The following RAVER2 variants were observed in gnomAD, a reference collection of about 807,000 sequenced individuals.
RAVER2 encodes the protein ribonucleoprotein, PTB binding 2.
RAVER2 carries 46 observed loss-of-function variants against 78.1 expected under a neutral mutation model. The ratio of observed to expected loss-of-function variants is 0.59; its 90% CI spans 0.46 to 0.75. The LOEUF is 0.75. Among genes scored for constraint, RAVER2 ranks in the 30% least tolerant of loss-of-function variants. The probability of loss-of-function intolerance (pLI) is 0.00; values close to 1 mark genes in which losing one functional copy is unlikely to be tolerated. For synonymous variants in RAVER2, 311 were observed against 313.3 expected, an observed-to-expected ratio of 0.99 and a Z score of 0.08; for missense variants, 793 against 837.5, an observed-to-expected ratio of 0.95 and a Z score of 0.66.
intron 1 of RAVER2, among the ~76,000 whole-genome samples, chr1:64,756,504 G>T (rs1217312319): frequency 1.3e-5 from 2 of 152,072 alleles, no homozygotes; most frequent in Non-Finnish European, 2.9e-5. Flanking sequence ...TGGCCCCTGT[G>T]TCTTCTTATT....
At chr1:64,758,228 A>T (rs1240969489) in intron 1 of RAVER2, among the ~76,000 whole-genome samples, 1 of 152,216 alleles carries the variant, frequency 6.6e-6, no homozygotes, top group East Asian at 1.9e-4. Context: ...TGCAATTGTG[A>T]TAGCCACAGT....
At chr1:64,825,150 G>GAATC (rs1472047655) in intron 11 of RAVER2, among the ~76,000 whole-genome samples, 2 of 152,060 alleles carry the variant, frequency 1.3e-5, no homozygotes, top group East Asian at 1.9e-4. Context: ...GAAGCATATT[G>GAATC]ATTTTGAAAC....
At chr1:64,766,156 A>G (rs1384738244) in intron 1 of RAVER2, among the ~76,000 whole-genome samples, 1 of 152,212 alleles carries the variant, frequency 6.6e-6, no homozygotes, top group Non-Finnish European at 1.5e-5. Flanking sequence ...AAAGCTATCT[A>G]ATACCAATTT....
At chr1:64,783,109 T>A (rs1241566449) in intron 4 of RAVER2, among the ~76,000 whole-genome samples, 1 of 152,220 alleles carries the variant, frequency 6.6e-6, no homozygotes, top group Non-Finnish European at 1.5e-5. Flanking sequence ...ATGTGCCACA[T>A]TTTCTTAATC....
At chr1:64,758,482 T>G (rs1034855851) in intron 1 of RAVER2, among the ~76,000 whole-genome samples, 1 of 152,116 alleles carries the variant, frequency 6.6e-6, no homozygotes, top group African/African-American at 2.4e-5. Context: ...AATTCGAGGA[T>G]TGAAGCACAA....
chr1:64,777,652 G>A, exon 3 of RAVER2: 1 of 1,613,346 alleles, frequency 6.2e-7, no homozygotes, highest in Non-Finnish European at 8.5e-7. Flanking sequence ...TGGGGAACAA[G>A]CCCAGAACGC....
intron 1 of RAVER2, among the ~76,000 whole-genome samples, chr1:64,759,204 A>G (rs1017701013): frequency 6.6e-6 from 1 of 150,996 alleles, no homozygotes; most frequent in Non-Finnish European, 1.5e-5. Context: ...TTTTATTTTT[A>G]TTTTTATTTA....
intron 6 of RAVER2, among the ~76,000 whole-genome samples, chr1:64,803,374 C>G (rs1486201383): frequency 6.6e-6 from 1 of 151,794 alleles, no homozygotes; most frequent in Admixed American, 6.6e-5. Context: ...GTGGTCTTAA[C>G]TCAAAAAAGT....
At chr1:64,746,764 A>G (rs926276918) in intron 1 of RAVER2, among the ~76,000 whole-genome samples, 1 of 152,200 alleles carries the variant, frequency 6.6e-6, no homozygotes, top group African/African-American at 2.4e-5. Flanking sequence ...CTACCTGTTA[A>G]GGACACCTGC....
intron 1 of RAVER2, among the ~76,000 whole-genome samples, chr1:64,750,618 G>T (rs909603590): frequency 1.3e-5 from 2 of 151,944 alleles, no homozygotes; most frequent in Admixed American, 6.6e-5. Flanking sequence ...TTAACTGTGG[G>T]ATTTAAAAAT....
intron 11 of RAVER2, among the ~76,000 whole-genome samples, chr1:64,827,363 T>C (rs1166518558): frequency 6.6e-6 from 1 of 152,146 alleles, no homozygotes; most frequent in African/African-American, 2.4e-5. Context: ...ATAGTAGGAT[T>C]GCCCAGGGGC....
chr1:64,833,142 CCAAAA>C (rs1307916408), exon 12 of RAVER2: 1 of 185,270 alleles, frequency 5.4e-6, no homozygotes, highest in Non-Finnish European at 1.1e-5. Context: ...CTTCCTCCCC[CCAAAA>C]CTATACTGTT....
At chr1:64,808,314 GA>G (rs1014659497) in intron 9 of RAVER2, among the ~76,000 whole-genome samples, 1 of 151,518 alleles carries the variant, frequency 6.6e-6, no homozygotes, top group African/African-American at 2.4e-5. Context: ...AGTTTGTAAG[GA>G]AAAAAAATCT....
At chr1:64,753,382 A>G (rs925509339) in intron 1 of RAVER2, among the ~76,000 whole-genome samples, 12 of 152,010 alleles carry the variant, frequency 7.9e-5, no homozygotes, top group Non-Finnish European at 1.8e-4. Flanking sequence ...TTTTGTTTCA[A>G]AGAAATCCCC....
At chr1:64,820,193 T>C (rs1653851974) in intron 11 of RAVER2, among the ~76,000 whole-genome samples, 1 of 151,984 alleles carries the variant, frequency 6.6e-6, no homozygotes, top group Non-Finnish European at 1.5e-5. Context: ...CATTAAAAAA[T>C]TATACAAAGA....
At chr1:64,802,247 T>C (rs948984084) in intron 5 of RAVER2, among the ~76,000 whole-genome samples, 3 of 152,244 alleles carry the variant, frequency 2.0e-5, no homozygotes, top group African/African-American at 7.2e-5. Flanking sequence ...GCTGACCTCC[T>C]GTCTCATCCT....
intron 1 of RAVER2, among the ~76,000 whole-genome samples, chr1:64,766,427 G>A (rs1652177400): frequency 6.6e-6 from 1 of 152,106 alleles, no homozygotes; most frequent in South Asian, 2.1e-4. Flanking sequence ...ACCCACTTTT[G>A]CCTGGGTCAA....
intron 1 of RAVER2, among the ~76,000 whole-genome samples, chr1:64,749,602 C>A (rs1182253853): frequency 6.6e-6 from 1 of 152,118 alleles, no homozygotes; most frequent in African/African-American, 2.4e-5. Flanking sequence ...ATAGTTATAT[C>A]TTTGTTTTGG....
chr1:64,745,243 C>A lies in RAVER2; in HGVS notation c.71C>A (p.Pro24Gln), dbSNP rs1364204610. 35 of 1,147,182 alleles carry A rather than the reference C, an allele frequency of 3.1e-5. No homozygotes were observed. Among genetic ancestry groups the A allele is most frequent in the Non-Finnish European group, 3.7e-5 (34 of 929,548 alleles). The allele number at this position is 1,147,182 out of a possible 1,614,324, so 71.1% of individuals were successfully genotyped here. A position where few individuals can be genotyped will look rare whatever the true frequency, so the allele number is the denominator to read the frequency against. Residue 24 changes from proline to glutamine, a missense_variant, in exon 1 of 12, where the codon CCG becomes CAG. By Grantham distance (76) the Pro-to-Gln change is moderately conservative (BLOSUM62 -1). Coordinates refer to ENST00000294428, the Ensembl canonical transcript of RAVER2. This position sits in a 1 kb window ranked among gnomAD's most constrained non-coding sequence, Gnocchi z 4.3. ...CTGGGCAGCGCGGCGGGGCTGGGGC[C>A]GGGGCCGGGGCTGCGCGGGCAGGGC...
Sources: allele counts gnomAD v4.1 joint callset (sites outside exome capture counted in the v4.1 genomes callset), GRCh38; gene constraint gnomAD v4.1.1; non-coding constraint Gnocchi (gnomAD v3.1); transcripts MANE v1.5; gene names NCBI Gene and HGNC (gene_info 2026-07-23, HGNC 2026-07-21).